SMOC1: variants seen among roughly 807,000 people sequenced by gnomAD.
The protein encoded by SMOC1 is SPARC-related modular calcium-binding protein 1.
In SMOC1, 22 loss-of-function variants were observed where a neutral mutation model predicts 56.3. The observed-to-expected ratio is 0.39, with a 90% CI of 0.28 to 0.56. The LOEUF (loss-of-function observed/expected upper bound fraction) is 0.56. Ranked by LOEUF, SMOC1 falls within the 20% of genes least tolerant of loss-of-function variation. The pLI, the probability that SMOC1 is intolerant of heterozygous loss-of-function variation, is 0.61. For synonymous variants in SMOC1, 193 were observed against 215.0 expected (o/e 0.90, Z 0.89); for missense variants, 509 against 565.4 (o/e 0.90, Z 1.01).
intron 1 of SMOC1, 31 bp from the exon 2 acceptor site, chr14:69,952,107 C>T (rs775154442): frequency 1.2e-6 from 2 of 1,613,492 alleles, no homozygotes; most frequent in Non-Finnish European, 1.7e-6. Context: ...CAAAAGTAAC[C>T]TCTGTACCCT....
intron 10 of SMOC1, among the ~76,000 whole-genome samples, chr14:70,020,068 C>G (rs1049727564): frequency 6.6e-6 from 1 of 152,140 alleles, no homozygotes; most frequent in Non-Finnish European, 1.5e-5. Flanking sequence ...CTTCTTTAAG[C>G]ATCATGCTTA....
intron 7 of SMOC1, among the ~76,000 whole-genome samples, chr14:70,008,606 G>C (rs892433428): frequency 6.6e-6 from 1 of 152,208 alleles, no homozygotes; most frequent in Non-Finnish European, 1.5e-5. Context: ...ACCCCCAGTG[G>C]TGTGAAGTCA....
At position 70,013,723 on chromosome 14, in the gene SMOC1, C is replaced by T. The variant is rs780118158; in HGVS notation, c.1046+232C>T. Among the ~76,000 whole-genome samples, 12 of 152,156 alleles carry T rather than the reference C, an allele frequency of 7.9e-5. No homozygotes were observed. The East Asian group carries it at 9.6e-4, about 12-fold the overall frequency. ...CTGCTTGTCCCTAGCTTTTAGTTACCTGATTTATAGGAAAGTCCAGGGCTG... is the reference window on the plus strand; with the variant it reads ...CTGCTTGTCCCTAGCTTTTAGTTACTTGATTTATAGGAAAGTCCAGGGCTG... On this transcript the variant is annotated intron_variant, in intron 10 of 11. Transcript: ENST00000361956.
chr14:69,974,683 G>A (rs537977983), intron 3 of SMOC1, among the ~76,000 whole-genome samples: 2 of 152,202 alleles, frequency 1.3e-5, no homozygotes, highest in African/African-American at 2.4e-5. Context: ...GGGGCGGGAG[G>A]TGGTGGGTAG....
At chr14:69,993,523 A>G (rs1367777404) in intron 6 of SMOC1, among the ~76,000 whole-genome samples, 1 of 152,220 alleles carries the variant, frequency 6.6e-6, no homozygotes, top group Admixed American at 6.5e-5. Flanking sequence ...GGGCAGAGTG[A>G]CAGAAGAATA....
At position 70,023,331 on chromosome 14, in the gene SMOC1, A is replaced by C; in HGVS notation, c.1175A>C (p.Lys392Thr). Reference sequence around the variant, plus strand: ...ATGAAGCCCTTCAAGCGCTACGTGAAGAAGAAAGCCAAGCCCAAGAAATGT... The same window carrying C: ...ATGAAGCCCTTCAAGCGCTACGTGACGAAGAAAGCCAAGCCCAAGAAATGT... ...REMKPFKRYVKKKAKPKKCAR... is the reference protein window; with the variant it reads ...REMKPFKRYVTKKAKPKKCAR... Residue 392 changes from lysine (K) to threonine (T), a missense_variant, in exon 11 of 12, where the codon AAG (lysine) becomes ACG (threonine). Physicochemically the swap from Lys to Thr is moderately conservative, Grantham distance 78. Coordinates refer to ENST00000361956, the MANE Select transcript of SMOC1 (RefSeq NM_001034852.3). 1 of 1,614,192 alleles carries C rather than the reference A, an allele frequency of 6.2e-7. No homozygotes were observed. Among genetic ancestry groups the C allele is most frequent in the Non-Finnish European group, 8.5e-7 (1 of 1,180,032 alleles).
intron 5 of SMOC1, among the ~76,000 whole-genome samples, chr14:69,988,118 C>T (rs1884432932): frequency 6.6e-6 from 1 of 152,180 alleles, no homozygotes; most frequent in Non-Finnish European, 1.5e-5. Context: ...ATGAGGAAAG[C>T]TACCTGCCAG....
intron 1 of SMOC1, among the ~76,000 whole-genome samples, chr14:69,916,867 T>G (rs1736343227): frequency 6.6e-6 from 1 of 152,200 alleles, no homozygotes; most frequent in South Asian, 2.1e-4. Flanking sequence ...GTCAGTTGGT[T>G]CTGTCCTCCT....
rs1182270825 is a variant in SMOC1, at chr14:70,010,822, G to T, written c.733G>T (p.Gly245Cys). 1 of 1,614,208 alleles carries T rather than the reference G, an allele frequency of 6.2e-7. No homozygotes were observed. Among genetic ancestry groups the T allele is most frequent in the South Asian group, 1.1e-5 (1 of 91,078 alleles). Residue 245 changes from glycine (G) to cysteine (C), a missense_variant, in exon 8 of 12, where the codon GGT (glycine) becomes TGT (cysteine). By Grantham distance (159) the Gly-to-Cys change is radical. Coordinates refer to ENST00000361956, the MANE Select transcript of SMOC1 (RefSeq NM_001034852.3). ...LEEAQQNPRE[G>C]IVIPECAPGG... ...AGAGGCCCAGCAGAATCCCCGTGAG[G>T]GTATTGTCATCCCTGAATGTGCCCC...
At chr14:69,965,396 A>AATG (rs1159241628) in intron 3 of SMOC1, among the ~76,000 whole-genome samples, 4 of 150,700 alleles carry the variant, frequency 2.7e-5, no homozygotes, top group Non-Finnish European at 3.0e-5. Context: ...TAATAATAAT[A>AATG]ATAATAATAA....
intron 3 of SMOC1, among the ~76,000 whole-genome samples, chr14:69,964,628 T>C (rs898346769): frequency 1.3e-5 from 2 of 152,168 alleles, no homozygotes; most frequent in African/African-American, 4.8e-5. Context: ...CTGCCCGCCT[T>C]GGCCTCCCAA....
chr14:70,029,509 T>TA (rs1886059381), intron 11 of SMOC1, among the ~76,000 whole-genome samples: 1 of 152,182 alleles, frequency 6.6e-6, no homozygotes, highest in Non-Finnish European at 1.5e-5. Flanking sequence ...ACCTGAGCCA[T>TA]AGACACTCAC....
At chr14:70,007,556 T>G (rs757449254) in intron 7 of SMOC1, among the ~76,000 whole-genome samples, 2 of 152,232 alleles carry the variant, frequency 1.3e-5, no homozygotes, top group Non-Finnish European at 2.9e-5. Flanking sequence ...GCAAAGACAC[T>G]GACATAGAAG....
At chr14:70,011,348 C>A in intron 8 of SMOC1, 137 bp from the exon 9 acceptor site, 1 of 795,652 alleles carries the variant, frequency 1.3e-6, no homozygotes, top group Non-Finnish European at 2.2e-6. Context: ...AGCTGCCGGG[C>A]AGCGCAAGAG....
intron 1 of SMOC1, among the ~76,000 whole-genome samples, chr14:69,903,059 G>C (rs1191699773): frequency 2.0e-5 from 3 of 151,782 alleles, no homozygotes; most frequent in Admixed American, 2.0e-4. Flanking sequence ...GAAGTGAGGA[G>C]CGTCTCTGCC....
At chr14:69,887,831 A>G (rs1255560615) in intron 1 of SMOC1, among the ~76,000 whole-genome samples, 1 of 152,148 alleles carries the variant, frequency 6.6e-6, no homozygotes, top group African/African-American at 2.4e-5. Flanking sequence ...GAGCTGATGC[A>G]TGGGTCAGAA....
intron 1 of SMOC1, among the ~76,000 whole-genome samples, chr14:69,891,034 A>G (rs1459268151): frequency 6.6e-6 from 1 of 152,270 alleles, no homozygotes; most frequent in Non-Finnish European, 1.5e-5. Context: ...ATTACACAGT[A>G]CTGAAAATGA....
At chr14:70,027,898 T>C (rs534806108) in intron 11 of SMOC1, among the ~76,000 whole-genome samples, 27 of 152,288 alleles carry the variant, frequency 1.8e-4, no homozygotes, top group Admixed American at 1.6e-3. Context: ...CCCTCTGCTC[T>C]GCAGGGCGGC....
At chr14:69,909,079 C>T (rs1176872258) in intron 1 of SMOC1, among the ~76,000 whole-genome samples, 2 of 152,080 alleles carry the variant, frequency 1.3e-5, no homozygotes, top group Non-Finnish European at 2.9e-5. Context: ...TGGGTGGACT[C>T]CTTCAGGTCA....
Sources: gnomAD v4.1 joint callset for allele counts (sites outside exome capture counted in the v4.1 genomes callset) on GRCh38, gnomAD v4.1.1 for gene constraint, MANE v1.5 for transcripts, NCBI Gene and HGNC (gene_info 2026-07-23, HGNC 2026-07-21) for gene names.